The following DEDD2 variants were observed in gnomAD, a reference collection of about 807,000 sequenced individuals.
DEDD2 encodes the protein death effector domain containing 2, also known as DNA-binding death effector domain-containing protein 2.
In DEDD2, 18 loss-of-function variants were observed where a neutral mutation model predicts 28.9. The ratio of observed to expected loss-of-function variants is 0.62; its 90% CI spans 0.43 to 0.92. DEDD2 has a LOEUF of 0.92. DEDD2 is among the 40% of genes least tolerant of loss of function. The pLI is 0.00. For synonymous variants in DEDD2, 211 were observed against 206.1 expected (o/e 1.02, Z -0.20); for missense variants, 411 against 463.3 (o/e 0.89, Z 1.04).
chr19:42,210,305 A>C (rs940929744), intron 3 of DEDD2, among the ~76,000 whole-genome samples: 1 of 152,228 alleles, frequency 6.6e-6, no homozygotes, highest in Non-Finnish European at 1.5e-5. Context: ...ATATATCTGC[A>C]AAATGAAACA....
chr19:42,215,422 G>A (rs1275330865), intron 2 of DEDD2, among the ~76,000 whole-genome samples, 170 bp from the exon 3 acceptor site: 1 of 152,224 alleles, frequency 6.6e-6, no homozygotes, highest in Non-Finnish European at 1.5e-5. Context: ...TCCTAAGAGA[G>A]AGAACTTATC....
intron 4 of DEDD2, among the ~76,000 whole-genome samples, chr19:42,200,334 C>G (rs2035281359): frequency 6.6e-6 from 1 of 152,236 alleles, no homozygotes; most frequent in Non-Finnish European, 1.5e-5. Flanking sequence ...GGGTTTTTGT[C>G]TGTTTTGTTC....
chr19:42,215,010 C>A (rs1337547389), intron 3 of DEDD2, 123 bp downstream of exon 3: 1 of 1,326,990 alleles, frequency 7.5e-7, no homozygotes, highest in Non-Finnish European at 1.0e-6. Flanking sequence ...AACACACACA[C>A]ACACACACAC....
rs1424700670 is a variant in DEDD2 at position 42,209,772 on chromosome 19, T to C, written c.517A>G (p.Arg173Gly). 6.3e-7 allele frequency: 1 copy of C among 1,596,968 alleles called. No individual in the cohort carries two copies. The highest frequency in any genetic ancestry group is 1.4e-5 in the African/African-American group (1 of 73,964). ...RPSGGARRRRRGAPAAPQQQS... is the reference protein window; with the variant it reads ...RPSGGARRRRGGAPAAPQQQS... ...TGCTGGGGTGCGGCTGGGGCCCCTC[T>C]CCGCCGCCGTCTGGCACCACCACTG... is the stretch of plus-strand genomic sequence containing the variant. Residue 173 changes from arginine to glycine, a missense_variant, in exon 4 of 5, where the codon AGA (arginine) becomes GGA (glycine). Physicochemically the swap from Arg to Gly is moderately radical, Grantham distance 125. Around this residue, in one of 2 missense-constraint regions of DEDD2, gnomAD observed 282 missense variants for 273.4 expected, o/e 1.03. Coordinates refer to ENST00000596251, the MANE Select transcript of DEDD2 (RefSeq NM_133328.4).
In DEDD2 at chr19:42,199,528, G is replaced by A. The variant is rs2035238375; in HGVS notation, c.891C>T (p.Val297=). ...AVGREAVRLL[V]SVDEADYEAG... ...CCTCATAGTCAGCCTCATCCACACTGACCAGCAGGCGAACAGCCTCCCGGC... is the reference window on the plus strand; with the variant it reads ...CCTCATAGTCAGCCTCATCCACACTAACCAGCAGGCGAACAGCCTCCCGGC... Residue 297 remains valine, a synonymous_variant, in exon 5 of 5, where the codon GTC becomes GTT. Transcript: ENST00000596251. This position sits in a 1 kb window ranked among gnomAD's most constrained non-coding sequence, Gnocchi z 7.4. 1.2e-6 allele frequency: 2 copies of A among 1,613,908 alleles called. No individual in the cohort carries two copies. The highest frequency in any genetic ancestry group is 1.3e-5 in the African/African-American group (1 of 74,924).
intron 4 of DEDD2, among the ~76,000 whole-genome samples, chr19:42,206,650 G>A (rs2035546169): frequency 6.6e-6 from 1 of 152,114 alleles, no homozygotes; most frequent in Non-Finnish European, 1.5e-5. Flanking sequence ...AGAGGCACAT[G>A]GTCGCTCAGA....
At position 42,199,994 on chromosome 19, in the gene DEDD2, C is replaced by T. The variant is rs954223889; in HGVS notation, c.590-165G>A. ...CTCTGTGGGGTTCCCTGACCAAGTA[C>T]GTCCTCCTCTTCTCCAGCCCACCAC... On this transcript the variant is annotated intron_variant, in intron 4 of 4. Coordinates refer to ENST00000596251, the MANE Select transcript of DEDD2 (RefSeq NM_133328.4). The surrounding 1 kb of genome is among the most constrained non-coding windows in gnomAD (Gnocchi z 7.4). 4.6e-5 allele frequency among the ~76,000 whole-genome samples: 7 copies of T among 152,188 alleles called. No individual in the cohort carries two copies. Among genetic ancestry groups the T allele is most frequent in the Non-Finnish European group, 8.8e-5 (6 of 68,032 alleles).
chr19:42,207,115 G>C (rs2035564860), intron 4 of DEDD2, among the ~76,000 whole-genome samples: 1 of 152,158 alleles, frequency 6.6e-6, no homozygotes, highest in Non-Finnish European at 1.5e-5. Flanking sequence ...ATTACTGGCT[G>C]ATTCGAGGGG....
chr19:42,215,992 T>TC (rs1311985392), intron 2 of DEDD2, among the ~76,000 whole-genome samples: 5 of 152,110 alleles, frequency 3.3e-5, no homozygotes, highest in Non-Finnish European at 7.4e-5. Flanking sequence ...CTAGCTTGGG[T>TC]CCCCTCTGCT....
chr19:42,205,886 C>A (rs1165792251), intron 4 of DEDD2, among the ~76,000 whole-genome samples: 2 of 152,026 alleles, frequency 1.3e-5, no homozygotes, highest in Non-Finnish European at 2.9e-5. Flanking sequence ...GAGTTCGAGA[C>A]CAGCCTGGGC....
chr19:42,199,345 AGAGTGACAGTCCTCTAGG>A lies in DEDD2; in HGVS notation c.*75_*92del. On this transcript the variant is annotated 3_prime_UTR_variant, in exon 5 of 5. Transcript: ENST00000596251. The surrounding 1 kb of genome is among the most constrained non-coding windows in gnomAD (Gnocchi z 7.4). ...TCCTGTCGCAGTCCTCAAAGATGCT[AGAGTGACAGTCCTCTAGG>A]GGTAGAGATGGTCGTCCTCCCAGGA... is the stretch of plus-strand genomic sequence containing the variant. 1 of 1,434,014 alleles carries A rather than the reference AGAGTGACAGTCCTCTAGG, an allele frequency of 7.0e-7. No homozygotes were observed. Among genetic ancestry groups the A allele is most frequent in the Non-Finnish European group, 9.1e-7 (1 of 1,095,636 alleles). The allele number at this position is 1,434,014 out of a possible 1,614,324, so 88.8% of individuals were successfully genotyped here.
Position 42,215,197 on chromosome 19 carries a change from A to AC in DEDD2, c.383dup (p.Ser129Ter). On this transcript the variant is annotated frameshift_variant, in exon 3 of 5. Transcript: ENST00000596251. LOFTEE classifies it high-confidence loss of function. ...TTGACTGCCGACGGCGACGGCAGCT[A>AC]CCCTCTGTCCTCTTTGAAGAGCTGG... The AC allele has an allele frequency of 6.2e-7, 1 of 1,613,732 alleles. No individual in the cohort carries two copies.
At chr19:42,217,069 G>C in intron 1 of DEDD2, 24 bp from the exon 2 acceptor site, 2 of 1,498,564 alleles carry the variant, frequency 1.3e-6, no homozygotes, top group South Asian at 1.2e-5. Flanking sequence ...AGCGGGGAGG[G>C]GGCAGTGGTC....
intron 3 of DEDD2, among the ~76,000 whole-genome samples, chr19:42,214,540 C>T (rs2035887955): frequency 6.6e-6 from 1 of 151,884 alleles, no homozygotes; most frequent in African/African-American, 2.4e-5. Flanking sequence ...GGTGGGAGGA[C>T]TGCTTGAGGC....
chr19:42,213,751 T>C (rs1263033851), intron 3 of DEDD2, among the ~76,000 whole-genome samples: 1 of 152,018 alleles, frequency 6.6e-6, no homozygotes, highest in Non-Finnish European at 1.5e-5. Context: ...AAAAAATCAA[T>C]GTTACAGGAA....
chr19:42,216,661 C>A lies in DEDD2; in HGVS notation c.328+19G>T, dbSNP rs773098453. 1.1e-4 allele frequency: 163 copies of A among 1,539,480 alleles called. No homozygotes were observed. The Middle Eastern group carries it at 1.2e-3, about 11-fold the overall frequency. ...CCCTTTCCTCCCAGGAAGTGTGACA[C>A]CCTCCCATTCAACCGTACCTGGCCG... On this transcript the variant is annotated intron_variant, in intron 2 of 4. Coordinates refer to ENST00000596251, the MANE Select transcript of DEDD2 (RefSeq NM_133328.4).
intron 1 of DEDD2, 73 bp from the exon 2 acceptor site, chr19:42,217,118 C>A: frequency 8.3e-7 from 1 of 1,197,826 alleles, no homozygotes; most frequent in Non-Finnish European, 1.2e-6. Flanking sequence ...GCCAGCGCGT[C>A]TCCCCCGCCC....
chr19:42,207,044 T>C (rs2035561560), intron 4 of DEDD2, among the ~76,000 whole-genome samples: 1 of 152,132 alleles, frequency 6.6e-6, no homozygotes, highest in African/African-American at 2.4e-5. Flanking sequence ...CCTTGGCCTG[T>C]TCCTATCTTC....
rs2036009190 is a variant in DEDD2 at position 42,217,093 on chromosome 19, C to T, written c.-38-48G>A. The T allele has an allele frequency of 5.1e-6, 7 of 1,373,508 alleles. No homozygotes were observed. In the Admixed American group the frequency reaches 1.5e-4, roughly 29 times the overall value. 85.1% of individuals were successfully genotyped at this position (1,373,508 alleles called of 1,614,324 possible). A position where few individuals can be genotyped will look rare whatever the true frequency, so the allele number is the denominator to read the frequency against. Reference sequence around the variant, plus strand: ...GGGGCAGTGGTCAGCGACGCGGAGGCCCGAACCCCACACCGCCAGCGCGTC... The same window carrying T: ...GGGGCAGTGGTCAGCGACGCGGAGGTCCGAACCCCACACCGCCAGCGCGTC... On this transcript the variant is annotated intron_variant, in intron 1 of 4. Coordinates refer to ENST00000596251, the MANE Select transcript of DEDD2 (RefSeq NM_133328.4).
Sources: gnomAD v4.1 joint callset for allele counts (sites outside exome capture counted in the v4.1 genomes callset) on GRCh38, gnomAD v4.1.1 for gene constraint, gnomAD v4.1.1 regional missense constraint, Gnocchi (gnomAD v3.1) non-coding constraint, MANE v1.5 for transcripts, NCBI Gene and HGNC (gene_info 2026-07-23, HGNC 2026-07-21) for gene names.